The following NIPA1 variants were observed in gnomAD, a reference collection of about 807,000 sequenced individuals.
NIPA1 encodes magnesium transporter NIPA1.
A neutral mutation model predicts 23.9 loss-of-function variants in NIPA1; 13 were observed. The ratio of observed to expected loss-of-function variants is 0.54; its 90% CI spans 0.35 to 0.87. The LOEUF is 0.87. Among genes scored for constraint, NIPA1 ranks in the 40% least tolerant of loss-of-function variants. NIPA1 has a pLI of 0.01. For missense variants in NIPA1, 362 were observed against 429.7 expected, an observed-to-expected ratio of 0.84 and a Z score of 1.39; for synonymous variants, 234 against 202.9, an observed-to-expected ratio of 1.15 and a Z score of -1.30.
At chr15:22,821,160 T>C (rs1365248757) in intron 4 of NIPA1, among the ~76,000 whole-genome samples, 1 of 151,502 alleles carries the variant, frequency 6.6e-6, no homozygotes, top group Non-Finnish European at 1.5e-5. Flanking sequence ...AGAGATGGGA[T>C]TTCATCATGT....
chr15:22,820,205 A>G, intron 3 of NIPA1, 108 bp from the exon 4 acceptor site: 2 of 833,706 alleles, frequency 2.4e-6, no homozygotes, highest in Non-Finnish European at 3.9e-6. Flanking sequence ...TCTTAAAGGG[A>G]AAAAAAGAAG....
chr15:22,811,136 T>C (rs966472406), intron 2 of NIPA1: 3 of 310,146 alleles, frequency 9.7e-6, no homozygotes, highest in African/African-American at 6.3e-5. Flanking sequence ...GTAGTCGGGC[T>C]GTTGGCATTT....
chr15:22,816,178 A>AT (rs71117481), intron 3 of NIPA1, among the ~76,000 whole-genome samples: 1,327 of 77,482 alleles, frequency 0.017, 174 homozygotes, highest in East Asian at 0.076. Context: ...AGAAGACCTG[A>AT]TTTTTTTTTT....
At chr15:22,809,140 A>T (rs950904315) in intron 1 of NIPA1, among the ~76,000 whole-genome samples, 3 of 152,088 alleles carry the variant, frequency 2.0e-5, no homozygotes, top group Non-Finnish European at 4.4e-5. Context: ...TAATCACAGC[A>T]CTTTGGGAGG....
At chr15:22,814,089 C>T (rs1895368923) in intron 3 of NIPA1, 2 of 1,280,810 alleles carry the variant, frequency 1.6e-6, no homozygotes, top group South Asian at 2.5e-5. Context: ...GCAGGTGTTA[C>T]TCACTGTAGG....
intron 1 of NIPA1, among the ~76,000 whole-genome samples, chr15:22,791,075 C>G (rs551985649): frequency 6.6e-6 from 1 of 152,166 alleles, no homozygotes; most frequent in Admixed American, 6.5e-5. Flanking sequence ...TGTAACATCA[C>G]CTGAATATAA....
At chr15:22,820,215 GA>G in intron 3 of NIPA1, 97 bp from the exon 4 acceptor site, 1 of 926,468 alleles carries the variant, frequency 1.1e-6, no homozygotes, top group Non-Finnish European at 1.7e-6. Context: ...AAAAAAAGAA[GA>G]AAAAGAAAAT....
chr15:22,798,271 G>T (rs1436987342), intron 1 of NIPA1, among the ~76,000 whole-genome samples: 9 of 134,252 alleles, frequency 6.7e-5, no homozygotes, highest in African/African-American at 2.5e-4. Flanking sequence ...ACAGAATCTC[G>T]CTCTGTCGCC....
chr15:22,810,296 G>C (rs1895293920), intron 1 of NIPA1, among the ~76,000 whole-genome samples: 1 of 152,158 alleles, frequency 6.6e-6, no homozygotes, highest in Non-Finnish European at 1.5e-5. Flanking sequence ...AGTCGTATCA[G>C]AAGAGTTATA....
At position 22,829,065 on chromosome 15, in the gene NIPA1, CT is replaced by C. The variant is rs1895703681; in HGVS notation, c.*4829del. 1.3e-5 allele frequency: 2 copies of C among 152,144 alleles called. No homozygotes were observed. The highest frequency in any genetic ancestry group is 2.9e-5 in the Non-Finnish European group (2 of 68,008). The allele number at this position is 152,144 out of a possible 1,614,324, so 9.4% of individuals were successfully genotyped here. On this transcript the variant is annotated 3_prime_UTR_variant, in exon 5 of 5. Coordinates refer to ENST00000337435, the MANE Select transcript of NIPA1 (RefSeq NM_144599.5). ...GTAAAGTTTGCATGATTCCATGAAG[CT>C]TTAGTTTTCCTTTTTTTGTTTTAAA...
intron 1 of NIPA1, among the ~76,000 whole-genome samples, chr15:22,792,571 A>G (rs978111971): frequency 2.6e-5 from 4 of 151,546 alleles, no homozygotes; most frequent in African/African-American, 7.3e-5. Context: ...TGTTAGCCAG[A>G]ATGGTCTCGA....
At chr15:22,802,503 T>G (rs1895105719) in intron 1 of NIPA1, among the ~76,000 whole-genome samples, 1 of 152,142 alleles carries the variant, frequency 6.6e-6, no homozygotes, top group African/African-American at 2.4e-5. Flanking sequence ...GTGTGCTACC[T>G]GTGAAATCCT....
intron 1 of NIPA1, among the ~76,000 whole-genome samples, chr15:22,807,941 G>T (rs1275115287): frequency 1.3e-5 from 2 of 151,860 alleles, no homozygotes; most frequent in East Asian, 3.9e-4. Context: ...CCACCACCAT[G>T]CCCAGCTAAT....
chr15:22,805,964 C>T (rs909589565), intron 1 of NIPA1, among the ~76,000 whole-genome samples: 2 of 152,056 alleles, frequency 1.3e-5, no homozygotes, highest in African/African-American at 4.8e-5. Flanking sequence ...CACTCTGTCG[C>T]CCAGGCTGGA....
chr15:22,787,530 C>T (rs886738917), intron 1 of NIPA1, among the ~76,000 whole-genome samples: 6 of 152,216 alleles, frequency 3.9e-5, no homozygotes, highest in African/African-American at 1.2e-4. Context: ...AAGGCCACTT[C>T]CCAGGTGGAT....
At chr15:22,813,313 AT>A (rs1895354630) in intron 3 of NIPA1, among the ~76,000 whole-genome samples, 1 of 151,626 alleles carries the variant, frequency 6.6e-6, no homozygotes, top group African/African-American at 2.4e-5. Context: ...TTTTAATTTT[AT>A]TTCTCCATTT....
At chr15:22,799,586 T>G (rs994289269) in intron 1 of NIPA1, among the ~76,000 whole-genome samples, 2 of 151,768 alleles carry the variant, frequency 1.3e-5, no homozygotes, top group East Asian at 1.9e-4. Context: ...ATCGAGACCA[T>G]CCTGGCTAAC....
At chr15:22,819,154 T>C (rs779043358) in intron 3 of NIPA1, 6 of 152,170 alleles carry the variant, frequency 3.9e-5, no homozygotes, top group Admixed American at 6.6e-5. Context: ...GGATGTGAAG[T>C]GGTACAAGGG....
chr15:22,795,570 C>T (rs767634172), intron 1 of NIPA1, among the ~76,000 whole-genome samples: 30 of 152,262 alleles, frequency 2.0e-4, no homozygotes, highest in Middle Eastern at 3.4e-3. Flanking sequence ...CTCCCTTGGA[C>T]GCCCTTACAG....
Sources: gnomAD v4.1 joint callset for allele counts (sites outside exome capture counted in the v4.1 genomes callset) on GRCh38, gnomAD v4.1.1 for gene constraint, MANE v1.5 for transcripts, NCBI Gene and HGNC (gene_info 2026-07-23, HGNC 2026-07-21) for gene names.